The following PRKG1 variants were observed in gnomAD, a reference collection of about 807,000 sequenced individuals.
The protein encoded by PRKG1 is protein kinase cGMP-dependent 1.
In PRKG1, 35 loss-of-function variants were observed where a neutral mutation model predicts 88.1. That is an observed-to-expected ratio of 0.40 (90% CI 0.30 to 0.53). PRKG1 has a LOEUF of 0.53. PRKG1 is among the 20% of genes least tolerant of loss of function. The pLI, the probability that PRKG1 is intolerant of heterozygous loss-of-function variation, is 0.59. For synonymous variants in PRKG1, 303 were observed against 292.5 expected (o/e 1.04, Z -0.37); for missense variants, 540 against 839.8 (o/e 0.64, Z 4.41).
At chr10:51,399,301 G>A (rs2132663656) in intron 2 of PRKG1, among the ~76,000 whole-genome samples, 1 of 152,206 alleles carries the variant, frequency 6.6e-6, no homozygotes, top group South Asian at 2.1e-4. Flanking sequence ...GTGTTCCCCA[G>A]AGAAATTGGA....
At chr10:51,917,838 A>C (rs550355023) in intron 5 of PRKG1, among the ~76,000 whole-genome samples, 1 of 152,290 alleles carries the variant, frequency 6.6e-6, no homozygotes, top group South Asian at 2.1e-4. Flanking sequence ...TCCCTCTCCC[A>C]TATTTTGTAA....
At chr10:51,180,095 A>G (rs1837305331) in intron 2 of PRKG1, among the ~76,000 whole-genome samples, 2 of 152,184 alleles carry the variant, frequency 1.3e-5, no homozygotes, top group Non-Finnish European at 2.9e-5. Context: ...AATGTGTTAT[A>G]GTCTCCCCTC....
At chr10:51,857,613 A>G (rs979651335) in intron 4 of PRKG1, among the ~76,000 whole-genome samples, 44 of 152,320 alleles carry the variant, frequency 2.9e-4, no homozygotes, top group African/African-American at 8.9e-4. Context: ...GAACTAATCA[A>G]TCCTGGCTTT....
intron 3 of PRKG1, among the ~76,000 whole-genome samples, chr10:51,486,974 C>G (rs1447860186): frequency 1.3e-5 from 2 of 151,916 alleles, no homozygotes; most frequent in Non-Finnish European, 2.9e-5. Flanking sequence ...TTTTTTCTCT[C>G]TCTTTCACAT....
rs188996675 is a variant in PRKG1, at chr10:51,640,393, A to G, written c.593-164192A>G. ...TCTCAACACCTGATTTTTTTAAAAA[A>G]AATTGGTTTTTCAATTTCGATTTTC... On this transcript the variant is annotated intron_variant, in intron 3 of 17. Transcript: ENST00000373980. Among the ~76,000 whole-genome samples, 887 of 152,318 alleles carry G rather than the reference A, an allele frequency of 5.8e-3. 9 individuals carry two copies. The highest frequency in any genetic ancestry group is 0.02 in the African/African-American group (826 of 41,570).
intron 2 of PRKG1, among the ~76,000 whole-genome samples, chr10:51,199,597 A>T (rs1211656755): frequency 6.6e-6 from 1 of 152,174 alleles, no homozygotes; most frequent in South Asian, 2.1e-4. Context: ...TGGCCATCAG[A>T]AAGTGGGATT....
chr10:52,152,957 G>A (rs1837977769), intron 8 of PRKG1, among the ~76,000 whole-genome samples: 1 of 152,170 alleles, frequency 6.6e-6, no homozygotes, highest in African/African-American at 2.4e-5. Flanking sequence ...ACATTAAATA[G>A]CTCAGTTTAT....
At chr10:51,900,997 TA>T (rs1742596820) in intron 4 of PRKG1, among the ~76,000 whole-genome samples, 1 of 152,174 alleles carries the variant, frequency 6.6e-6, no homozygotes, top group African/African-American at 2.4e-5. Context: ...TACTTTAAAG[TA>T]AAACTGGCAT....
chr10:52,103,540 T>A (rs1423375838), intron 7 of PRKG1, among the ~76,000 whole-genome samples: 2 of 152,208 alleles, frequency 1.3e-5, no homozygotes, highest in Admixed American at 1.3e-4. Flanking sequence ...TCTAGCTTAC[T>A]TTCTTGTAAG....
chr10:51,435,425 C>CATAT (rs56689011), intron 2 of PRKG1, among the ~76,000 whole-genome samples: 1 of 144,214 alleles, frequency 6.9e-6, no homozygotes, highest in Non-Finnish European at 1.5e-5. Flanking sequence ...ACATTACTGA[C>CATAT]ATATATATAT....
intron 4 of PRKG1, among the ~76,000 whole-genome samples, chr10:51,902,150 C>T (rs1031326426): frequency 7.2e-5 from 11 of 151,964 alleles, no homozygotes; most frequent in East Asian, 1.9e-4. Context: ...GTTTTGCTCT[C>T]GTTGCCCAGG....
rs1049413063 is a variant in PRKG1, at chr10:51,021,141, T to C, written c.266+29497T>C. Among the ~76,000 whole-genome samples the C allele has an allele frequency of 1.4e-4, 21 of 152,170 alleles. No homozygotes were observed. In the South Asian group the frequency reaches 3.5e-3, roughly 26 times the overall value. ...TTAATGTGTTGAATCGAGACCAGAG[T>C]TATCAAATATGGTACACTCTTTAAT... is the stretch of plus-strand genomic sequence containing the variant. On this transcript the variant is annotated intron_variant, in intron 1 of 17. Coordinates refer to the PRKG1 transcript ENST00000401604.
intron 4 of PRKG1, among the ~76,000 whole-genome samples, chr10:51,866,838 TG>T (rs1841026686): frequency 6.6e-6 from 1 of 152,178 alleles, no homozygotes. Flanking sequence ...TACCAGGAAA[TG>T]TGCTTTGATA....
At chr10:51,914,552 C>A (rs1239841933) in intron 5 of PRKG1, among the ~76,000 whole-genome samples, 1 of 152,080 alleles carries the variant, frequency 6.6e-6, no homozygotes, top group Non-Finnish European at 1.5e-5. Flanking sequence ...TTTAGATCTC[C>A]TGATTTTTAG....
chr10:52,205,498 A>G (rs1229186902), intron 9 of PRKG1, among the ~76,000 whole-genome samples: 1 of 152,180 alleles, frequency 6.6e-6, no homozygotes, highest in Non-Finnish European at 1.5e-5. Flanking sequence ...TTCCCCCAGT[A>G]ATAATGTCAA....
At chr10:52,085,592 T>A in intron 7 of PRKG1, among the ~76,000 whole-genome samples, 1 of 152,146 alleles carries the variant, frequency 6.6e-6, no homozygotes, top group Non-Finnish European at 1.5e-5. Context: ...CACTCTCAAC[T>A]TTTATATTTT....
intron 2 of PRKG1, among the ~76,000 whole-genome samples, chr10:51,200,700 G>C (rs1264757019): frequency 6.6e-6 from 1 of 152,106 alleles, no homozygotes; most frequent in Non-Finnish European, 1.5e-5. Flanking sequence ...CATAGCATGT[G>C]CATTTTATTT....
intron 4 of PRKG1, among the ~76,000 whole-genome samples, chr10:51,814,608 C>A (rs1252225504): frequency 6.6e-6 from 1 of 152,076 alleles, no homozygotes. Flanking sequence ...AATAAAGAGG[C>A]ACTTTCTCAC....
At chr10:52,090,030 G>A (rs1476625847) in intron 7 of PRKG1, among the ~76,000 whole-genome samples, 1 of 151,858 alleles carries the variant, frequency 6.6e-6, no homozygotes, top group Non-Finnish European at 1.5e-5. Context: ...GGCCAGGATG[G>A]TCTCGATCTC....
Sources: allele counts gnomAD v4.1 joint callset (sites outside exome capture counted in the v4.1 genomes callset), GRCh38; gene constraint gnomAD v4.1.1; transcripts MANE v1.5; gene names NCBI Gene and HGNC (gene_info 2026-07-23, HGNC 2026-07-21).